The following GLIS3 variants were observed in gnomAD, a reference collection of about 807,000 sequenced individuals.
GLIS3 encodes zinc finger protein GLIS3.
In GLIS3, 53 loss-of-function variants were observed where a neutral mutation model predicts 78.6. That is an observed-to-expected ratio of 0.67 (90% CI 0.54 to 0.85). The LOEUF (loss-of-function observed/expected upper bound fraction) is 0.85, where lower values mean the gene tolerates loss of function less well. Among genes scored for constraint, GLIS3 ranks in the 40% least tolerant of loss-of-function variants. GLIS3 has a pLI of 0.00. For missense variants in GLIS3, 1,703 were observed against 1,231.1 expected (o/e 1.38, Z -5.74); for synonymous variants, 684 against 509.9 (o/e 1.34, Z -4.60).
At chr9:4,417,081 C>A in the GLIS3 span, among the ~76,000 whole-genome samples, 1 of 152,084 alleles carries the variant, frequency 6.6e-6, no homozygotes, top group Non-Finnish European at 1.5e-5. Flanking sequence ...GAGTTTATCA[C>A]TGGAGACAGG....
At chr9:4,158,351 G>A (rs1165182932) in intron 2 of GLIS3, among the ~76,000 whole-genome samples, 1 of 152,186 alleles carries the variant, frequency 6.6e-6, no homozygotes, top group Non-Finnish European at 1.5e-5. Context: ...AGAGGTCACA[G>A]TTACTGGGCT....
At chr9:4,162,210 A>G (rs1371929852) in intron 2 of GLIS3, among the ~76,000 whole-genome samples, 1 of 151,678 alleles carries the variant, frequency 6.6e-6, no homozygotes, top group Non-Finnish European at 1.5e-5. Context: ...CTGTGTCCAA[A>G]TTTCCTTCTT....
chr9:4,004,933 A>G (rs747045421), intron 4 of GLIS3, among the ~76,000 whole-genome samples: 24 of 152,236 alleles, frequency 1.6e-4, no homozygotes, highest in Non-Finnish European at 2.8e-4. Context: ...AATTGAATAA[A>G]GAAGTAACCT....
chr9:4,288,171 A>G (rs1828158331), intron 1 of GLIS3, among the ~76,000 whole-genome samples: 1 of 152,180 alleles, frequency 6.6e-6, no homozygotes, highest in African/African-American at 2.4e-5. Flanking sequence ...CAGTCTGTAA[A>G]TCCATTCATT....
chr9:3,833,295 C>G (rs1818154486), intron 9 of GLIS3, among the ~76,000 whole-genome samples: 1 of 152,180 alleles, frequency 6.6e-6, no homozygotes, highest in Non-Finnish European at 1.5e-5. Flanking sequence ...GCCAAATACA[C>G]TGGTGTGGAT....
At chr9:4,091,907 G>A (rs1307775367) in intron 4 of GLIS3, among the ~76,000 whole-genome samples, 3 of 151,882 alleles carry the variant, frequency 2.0e-5, no homozygotes, top group Non-Finnish European at 4.4e-5. Context: ...CACAGAAAAG[G>A]TACAGTAAAA....
chr9:4,422,595 C>T, the GLIS3 span, among the ~76,000 whole-genome samples: 6 of 152,328 alleles, frequency 3.9e-5, no homozygotes, highest in Admixed American at 2.6e-4. Context: ...TGTGCTAGGT[C>T]CTATATGAGC....
At chr9:4,213,035 A>C (rs1443797945) in intron 2 of GLIS3, among the ~76,000 whole-genome samples, 1 of 152,136 alleles carries the variant, frequency 6.6e-6, no homozygotes, top group Non-Finnish European at 1.5e-5. Context: ...GAAGAGGCAG[A>C]AGCTGCCATG....
chr9:4,105,254 T>C (rs2130817564), intron 4 of GLIS3, among the ~76,000 whole-genome samples: 1 of 152,304 alleles, frequency 6.6e-6, no homozygotes, highest in African/African-American at 2.4e-5. Context: ...TACTTAAGAA[T>C]TTGAAATTAT....
intron 6 of GLIS3, chr9:3,901,220 G>T (rs189264632): frequency 5.5e-6 from 1 of 182,320 alleles, no homozygotes; most frequent in South Asian, 1.2e-4. Flanking sequence ...CGCTCGCACC[G>T]GAGTGAATAA....
chr9:3,959,799 A>G (rs1271916266), intron 4 of GLIS3, among the ~76,000 whole-genome samples: 1 of 152,178 alleles, frequency 6.6e-6, no homozygotes. Flanking sequence ...GAGGTAACCA[A>G]ATTAAAATGA....
chr9:4,396,635 T>G, the GLIS3 span, among the ~76,000 whole-genome samples: 10 of 152,370 alleles, frequency 6.6e-5, no homozygotes, highest in East Asian at 1.7e-3. Flanking sequence ...CAGTGATTCT[T>G]AACCATTTTT....
the GLIS3 span, among the ~76,000 whole-genome samples, chr9:4,449,368 T>C: frequency 1.3e-5 from 2 of 152,206 alleles, no homozygotes; most frequent in African/African-American, 4.8e-5. Flanking sequence ...CTGCTGCCTC[T>C]GTAGACCCCA....
At chr9:4,450,391 T>C in the GLIS3 span, among the ~76,000 whole-genome samples, 1 of 152,142 alleles carries the variant, frequency 6.6e-6, no homozygotes, top group African/African-American at 2.4e-5. Context: ...CTGAAAGTGA[T>C]GGGGAGAATG....
intron 4 of GLIS3, among the ~76,000 whole-genome samples, chr9:4,060,473 G>A (rs1176054843): frequency 6.6e-6 from 1 of 152,198 alleles, no homozygotes; most frequent in African/African-American, 2.4e-5. Flanking sequence ...CAGTGTGGCA[G>A]TATCTTAAGA....
upstream of GLIS3, among the ~76,000 whole-genome samples, chr9:4,351,885 G>A (rs1817976471): frequency 6.6e-6 from 1 of 152,012 alleles, no homozygotes; most frequent in Non-Finnish European, 1.5e-5. Context: ...AATGCACACA[G>A]GATTCTGAAT....
intron 2 of GLIS3, among the ~76,000 whole-genome samples, chr9:4,239,969 C>G (rs1312563624): frequency 6.6e-6 from 1 of 152,136 alleles, no homozygotes; most frequent in Non-Finnish European, 1.5e-5. Flanking sequence ...TATTAAGTTA[C>G]TTTTTTCTAA....
At chr9:3,961,514 C>A (rs890996312) in intron 4 of GLIS3, among the ~76,000 whole-genome samples, 1 of 152,160 alleles carries the variant, frequency 6.6e-6, no homozygotes, top group Admixed American at 6.6e-5. Flanking sequence ...GAATAACATT[C>A]GTTGAAAGTT....
intron 4 of GLIS3, among the ~76,000 whole-genome samples, chr9:4,100,562 A>T (rs17880081): frequency 1.3e-5 from 2 of 152,100 alleles, no homozygotes; most frequent in African/African-American, 4.8e-5. Context: ...AAAATTACAT[A>T]ATCTTAAACA....
Sources: allele counts gnomAD v4.1 joint callset (sites outside exome capture counted in the v4.1 genomes callset), GRCh38; gene constraint gnomAD v4.1.1; transcripts MANE v1.5; gene names NCBI Gene and HGNC (gene_info 2026-07-23, HGNC 2026-07-21).